Variants in FRMD4A observed in about 807,000 individuals in gnomAD.
The protein encoded by FRMD4A is FERM domain-containing protein 4A.
A neutral mutation model predicts 129.1 loss-of-function variants in FRMD4A; 29 were observed. The ratio of observed to expected loss-of-function variants is 0.22; its 90% CI spans 0.17 to 0.31. The LOEUF is 0.31. Among genes scored for constraint, FRMD4A ranks in the 10% least tolerant of loss-of-function variants. FRMD4A has a pLI of 1.00. For missense variants in FRMD4A, 1,272 were observed against 1,375.8 expected (o/e 0.92, Z 1.19); for synonymous variants, 634 against 571.6 (o/e 1.11, Z -1.56).
At chr10:13,770,906 T>C (rs10906470) in intron 6 of FRMD4A, among the ~76,000 whole-genome samples, 34,166 of 152,146 alleles carry the variant, frequency 0.22, 4,050 homozygotes, top group Middle Eastern at 0.32. Context: ...TGTTGTCCTC[T>C]AGAATGTGAT....
At chr10:13,791,526 G>C (rs963301885) in intron 5 of FRMD4A, among the ~76,000 whole-genome samples, 3 of 152,058 alleles carry the variant, frequency 2.0e-5, no homozygotes, top group Admixed American at 2.0e-4. Flanking sequence ...GGAAGTAGTT[G>C]GAAGGGTGCA....
rs115904509 is a variant in FRMD4A, at chr10:14,312,940, G to A, written c.45+17118C>T. Among the ~76,000 whole-genome samples the A allele has an allele frequency of 8.9e-3, 1,363 of 152,312 alleles. 20 individuals carry two copies. The highest frequency in any genetic ancestry group is 0.031 in the African/African-American group (1,299 of 41,568). ...CAAGGGAAGATGTTGCATATGTGCA[G>A]ATAATTTCCAAAAGGATACACAAGA... On this transcript the variant is annotated intron_variant, in intron 2 of 24. Coordinates refer to ENST00000357447, the MANE Select transcript of FRMD4A (RefSeq NM_018027.5).
At chr10:13,687,773 G>T (rs1372124472) in intron 15 of FRMD4A, among the ~76,000 whole-genome samples, 1 of 152,176 alleles carries the variant, frequency 6.6e-6, no homozygotes, top group African/African-American at 2.4e-5. Context: ...CCCCTCCAGT[G>T]GTCAATAACA....
At chr10:14,096,895 G>A (rs1414930267) in intron 2 of FRMD4A, 1 of 152,302 alleles carries the variant, frequency 6.6e-6, no homozygotes, top group East Asian at 1.9e-4. Flanking sequence ...AGCACTTTGG[G>A]AGGCCAAGGC....
intron 2 of FRMD4A, among the ~76,000 whole-genome samples, chr10:13,917,778 C>G (rs1190329540): frequency 6.6e-6 from 1 of 152,166 alleles, no homozygotes; most frequent in Non-Finnish European, 1.5e-5. Context: ...CTTTGCAACA[C>G]CCGGCAAAGG....
chr10:13,886,578 T>G (rs2094624024), intron 2 of FRMD4A, among the ~76,000 whole-genome samples: 1 of 152,120 alleles, frequency 6.6e-6, no homozygotes, highest in Non-Finnish European at 1.5e-5. Flanking sequence ...TTCTTTTTTT[T>G]CCTTTATTTT....
At chr10:13,985,823 C>T (rs1438515076) in intron 2 of FRMD4A, among the ~76,000 whole-genome samples, 1 of 152,198 alleles carries the variant, frequency 6.6e-6, no homozygotes, top group Non-Finnish European at 1.5e-5. Context: ...AGCGTACAGC[C>T]GCCCTCTAGA....
At chr10:13,869,573 A>G (rs1455329535) in intron 2 of FRMD4A, among the ~76,000 whole-genome samples, 2 of 152,236 alleles carry the variant, frequency 1.3e-5, no homozygotes, top group Non-Finnish European at 2.9e-5. Flanking sequence ...CCCCAGAATT[A>G]GGTCCTGCAC....
chr10:13,833,189 A>C (rs960596940), intron 3 of FRMD4A, among the ~76,000 whole-genome samples: 3 of 152,156 alleles, frequency 2.0e-5, no homozygotes, highest in Non-Finnish European at 2.9e-5. Context: ...AGACTGGGTA[A>C]TTTATAAAGA....
intron 15 of FRMD4A, among the ~76,000 whole-genome samples, chr10:13,686,656 C>G (rs2085114505): frequency 6.6e-6 from 1 of 152,318 alleles, no homozygotes; most frequent in Middle Eastern, 3.4e-3. Context: ...CAAGATCCAT[C>G]ACCAGATTCT....
rs36225405 is a variant in FRMD4A, at chr10:13,856,217, A to AGT, written c.111+2628_111+2629dup. Among the ~76,000 whole-genome samples, 433 of 145,980 alleles carry AGT rather than the reference A, an allele frequency of 3.0e-3. 2 individuals are homozygous for AGT. Among genetic ancestry groups the AGT allele is most frequent in the Admixed American group, 5.3e-3 (76 of 14,384 alleles). ...TGTATCTATAGATGGATTTTGTGCA[A>AGT]GTGTGTGTGTGTGTGTGTGTGTGTG... On this transcript the variant is annotated intron_variant, in intron 3 of 24. Transcript: ENST00000357447.
chr10:14,329,977 TGCAGCGGCA>T, intron 2 of FRMD4A, 72 bp downstream of exon 2: 1 of 1,316,762 alleles, frequency 7.6e-7, no homozygotes, highest in Non-Finnish European at 1.1e-6. Flanking sequence ...CTGCAGCCAC[TGCAGCGGCA>T]GCAGCAGCCC....
chr10:13,951,464 A>C (rs1438569674), intron 2 of FRMD4A, among the ~76,000 whole-genome samples: 1 of 152,108 alleles, frequency 6.6e-6, no homozygotes, highest in Non-Finnish European at 1.5e-5. Flanking sequence ...AAGTGGGGAA[A>C]GTTGAAAGAG....
intron 2 of FRMD4A, among the ~76,000 whole-genome samples, chr10:14,250,263 T>A (rs1844390457): frequency 1.3e-5 from 2 of 152,156 alleles, no homozygotes; most frequent in Admixed American, 1.3e-4. Context: ...GCCTGGCCTG[T>A]TTTTACTTTT....
intron 2 of FRMD4A, among the ~76,000 whole-genome samples, chr10:14,001,835 A>G (rs1004293801): frequency 6.6e-6 from 1 of 152,156 alleles, no homozygotes; most frequent in Non-Finnish European, 1.5e-5. Context: ...ATCTGTCTGA[A>G]CAGTTCTTGG....
At position 13,871,923 on chromosome 10, in the gene FRMD4A, C is replaced by T. The variant is rs1273078279; in HGVS notation, c.46-13011G>A. 3.3e-5 allele frequency among the ~76,000 whole-genome samples: 5 copies of T among 152,372 alleles called. No individual in the cohort carries two copies. The East Asian group carries it at 5.8e-4, about 18-fold the overall frequency. On this transcript the variant is annotated intron_variant, in intron 2 of 24. Coordinates refer to ENST00000357447, the MANE Select transcript of FRMD4A (RefSeq NM_018027.5). ...TGGGTCAGAGCCAGGCTCCAGAGCT[C>T]GGCCACCCGGGGCTGTGGCTTATCC...
At chr10:13,826,932 G>A (rs552442739) in intron 3 of FRMD4A, among the ~76,000 whole-genome samples, 5 of 152,058 alleles carry the variant, frequency 3.3e-5, no homozygotes, top group South Asian at 2.1e-4. Context: ...ACGTGTCCTC[G>A]GGTCCAAAGA....
intron 5 of FRMD4A, among the ~76,000 whole-genome samples, chr10:13,789,769 ATGTGTGTGTG>A (rs57602565): frequency 4.6e-5 from 6 of 130,086 alleles, no homozygotes; most frequent in South Asian, 2.8e-4. Context: ...GCTGCTTATA[ATGTGTGTGTG>A]TGTGTGTGTG....
At chr10:13,845,808 A>C (rs2094036758) in intron 3 of FRMD4A, among the ~76,000 whole-genome samples, 1 of 152,212 alleles carries the variant, frequency 6.6e-6, no homozygotes, top group African/African-American at 2.4e-5. Context: ...CAGATGAAGA[A>C]ACTGAAGGTT....
Sources: allele counts gnomAD v4.1 joint callset (sites outside exome capture counted in the v4.1 genomes callset), GRCh38; gene constraint gnomAD v4.1.1; transcripts MANE v1.5; gene names NCBI Gene and HGNC (gene_info 2026-07-23, HGNC 2026-07-21).